The following APLP2 variants were observed in gnomAD, a reference collection of about 807,000 sequenced individuals.
The protein encoded by APLP2 is amyloid beta precursor like protein 2, also known as CDEI box-binding protein.
A neutral mutation model predicts 89.9 loss-of-function variants in APLP2; 53 were observed. The ratio of observed to expected loss-of-function variants is 0.59; its 90% CI spans 0.47 to 0.74. The LOEUF (loss-of-function observed/expected upper bound fraction) is 0.74, where lower values mean the gene tolerates loss of function less well. APLP2 is among the 30% of genes least tolerant of loss of function. The probability of loss-of-function intolerance (pLI) is 0.00; values close to 1 mark genes in which losing one functional copy is unlikely to be tolerated. For synonymous variants in APLP2, 372 were observed against 348.6 expected (o/e 1.07, Z -0.75); for missense variants, 973 against 975.9 (o/e 1.00, Z 0.04).
intron 1 of APLP2, among the ~76,000 whole-genome samples, chr11:130,102,771 C>T (rs543345552): frequency 3.5e-4 from 54 of 152,292 alleles, no homozygotes; most frequent in South Asian, 8.3e-4. Flanking sequence ...TTCAGGTTTT[C>T]GACCAAGTTA....
At chr11:130,074,204 G>T (rs1215067036) in intron 1 of APLP2, among the ~76,000 whole-genome samples, 1 of 152,066 alleles carries the variant, frequency 6.6e-6, no homozygotes, top group Non-Finnish European at 1.5e-5. Context: ...ATGTTTTGTT[G>T]TTGTTGTTGT....
chr11:130,113,790 A>G (rs1948861209), intron 3 of APLP2, among the ~76,000 whole-genome samples: 1 of 152,218 alleles, frequency 6.6e-6, no homozygotes, highest in Non-Finnish European at 1.5e-5. Flanking sequence ...TTTAAATTAA[A>G]AAATAATAGT....
intron 11 of APLP2, among the ~76,000 whole-genome samples, chr11:130,132,214 T>C (rs915717362): frequency 9.2e-5 from 14 of 152,210 alleles, no homozygotes; most frequent in African/African-American, 3.1e-4. Flanking sequence ...GCATTTTGGC[T>C]TCATTTGCAT....
intron 1 of APLP2, among the ~76,000 whole-genome samples, chr11:130,072,404 CAG>C: frequency 6.6e-6 from 1 of 151,774 alleles, no homozygotes; most frequent in East Asian, 1.9e-4. Context: ...GTGTTTCTGA[CAG>C]GTGGTATGGG....
chr11:130,090,369 T>C (rs1322536830), intron 1 of APLP2, among the ~76,000 whole-genome samples: 1 of 146,730 alleles, frequency 6.8e-6, no homozygotes, highest in African/African-American at 2.5e-5. Flanking sequence ...GATAAACAAG[T>C]GAACAAAGGT....
Position 130,141,687 on chromosome 11 carries a change from C to T in APLP2, c.1998+115C>T. On this transcript the variant is annotated intron_variant, in intron 15 of 16. Transcript: ENST00000338167. The surrounding 1 kb of genome is among the most constrained non-coding windows in gnomAD (Gnocchi z 4.2). Reference sequence around the variant, plus strand: ...GATGCCTGAGCTAATAAGGGTCCCTCATCCCCAGCTTTCCGTACTTTTGGA... The same window carrying T: ...GATGCCTGAGCTAATAAGGGTCCCTTATCCCCAGCTTTCCGTACTTTTGGA... The T allele has an allele frequency of 2.0e-6, 2 of 995,094 alleles. No homozygotes were observed. The allele number at this position is 995,094 out of a possible 1,614,324, so 61.6% of individuals were successfully genotyped here.
chr11:130,135,815 T>G, intron 13 of APLP2, 100 bp downstream of exon 13: 1 of 1,429,974 alleles, frequency 7.0e-7, no homozygotes, highest in Non-Finnish European at 9.6e-7. Context: ...TGGGAGATGG[T>G]GTTCCTGCGA....
chr11:130,129,218 C>T lies in APLP2; in HGVS notation c.1455+12C>T, dbSNP rs1286320153. 2 of 1,607,508 alleles carry T rather than the reference C, an allele frequency of 1.2e-6. No homozygotes were observed. Among genetic ancestry groups the T allele is most frequent in the East Asian group, 4.5e-5 (2 of 44,738 alleles). On this transcript the variant is annotated intron_variant, in intron 10 of 16. Transcript: ENST00000338167. ...CTGACCCGCCACGGGTGAGTCCTGCCCCTAGCACTGCCTGCCCTGAGGTGG... is the reference window on the plus strand; with the variant it reads ...CTGACCCGCCACGGGTGAGTCCTGCTCCTAGCACTGCCTGCCCTGAGGTGG...
Position 130,109,520 on chromosome 11 carries a change from A to T in APLP2, c.197A>T (p.Gln66Leu). The change falls in exon 2 of 17, where the codon CAG becomes CTG. Residue 66 changes from glutamine to leucine, a missense_variant. By Grantham distance (113) the Gln-to-Leu change is moderately radical. Transcript: ENST00000338167. ...AAGTTAAATATGCATGTGAACATTC[A>T]GACTGGGAAATGGGAACCTGATCCA... ...CGKLNMHVNI[Q>L]TGKWEPDPTG... The T allele has an allele frequency of 6.2e-7, 1 of 1,613,984 alleles. No individual in the cohort carries two copies. The highest frequency in any genetic ancestry group is 1.1e-5 in the South Asian group (1 of 91,060).
chr11:130,124,500 C>CA (rs1249504008), intron 7 of APLP2, among the ~76,000 whole-genome samples: 1 of 152,168 alleles, frequency 6.6e-6, no homozygotes, highest in Non-Finnish European at 1.5e-5. Flanking sequence ...CCCTTTTCTC[C>CA]ATGGCTACTC....
chr11:130,139,731 A>G (rs1014890907), intron 13 of APLP2: 1 of 152,206 alleles, frequency 6.6e-6, no homozygotes, highest in Non-Finnish European at 1.5e-5. Context: ...AATGCTTCCT[A>G]TAGGTGGAAT....
chr11:130,130,033 T>G lies in APLP2; in HGVS notation c.1456-5T>G. On this transcript the variant is annotated splice_polypyrimidine_tract_variant and splice_region_variant and intron_variant, in intron 10 of 16. Coordinates refer to ENST00000338167, the MANE Select transcript of APLP2 (RefSeq NM_001142276.2). Reference sequence around the variant, plus strand: ...GGATATTAAAACAACTGTTCTCTCTTGCAGCCTCATCGCATTCTCCAGGCC... The same window carrying G: ...GGATATTAAAACAACTGTTCTCTCTGGCAGCCTCATCGCATTCTCCAGGCC... 3 of 1,614,146 alleles carry G rather than the reference T, an allele frequency of 1.9e-6. No homozygotes were observed. Among genetic ancestry groups the G allele is most frequent in the Non-Finnish European group, 2.5e-6 (3 of 1,179,970 alleles).
intron 16 of APLP2, 24 bp from the exon 17 acceptor site, chr11:130,143,323 G>A: frequency 6.2e-7 from 1 of 1,606,768 alleles, no homozygotes; most frequent in South Asian, 1.1e-5. Flanking sequence ...ACACCACAAT[G>A]ACCCTCAGGT....
At position 130,141,745 on chromosome 11, in the gene APLP2, T is replaced by C. The variant is rs1037337927; in HGVS notation, c.1998+173T>C. ...GCTAAAATTAAAATCTCCATGGAGA[T>C]TGGGAAGAGTGGGCGTTCTCCACCT... On this transcript the variant is annotated intron_variant, in intron 15 of 16. Coordinates refer to ENST00000338167, the MANE Select transcript of APLP2 (RefSeq NM_001142276.2). This position sits in a 1 kb window ranked among gnomAD's most constrained non-coding sequence, Gnocchi z 4.2. 7 of 921,576 alleles carry C rather than the reference T, an allele frequency of 7.6e-6. No individual in the cohort carries two copies. The highest frequency in any genetic ancestry group is 2.6e-5 in the East Asian group (1 of 38,476). The allele number at this position is 921,576 out of a possible 1,614,324, so 57.1% of individuals were successfully genotyped here.
chr11:130,091,290 CGG>C (rs1945091525), intron 1 of APLP2, among the ~76,000 whole-genome samples: 1 of 134,858 alleles, frequency 7.4e-6, no homozygotes, highest in African/African-American at 3.1e-5. Flanking sequence ...ACCTCCCTCC[CGG>C]ACGGGGCGGC....
At position 130,129,126 on chromosome 11, in the gene APLP2, C is replaced by A. The variant is rs1393182925; in HGVS notation, c.1375C>A (p.Arg459=). 1 of 1,614,048 alleles carries A rather than the reference C, an allele frequency of 6.2e-7. No homozygotes were observed. Among genetic ancestry groups the A allele is most frequent in the Admixed American group, 1.7e-5 (1 of 60,004 alleles). Residue 459 remains arginine, a synonymous_variant, in exon 10 of 17, where the codon CGA becomes AGA. Coordinates refer to ENST00000338167, the MANE Select transcript of APLP2 (RefSeq NM_001142276.2). Reference sequence around the variant, plus strand: ...GCAGCTGGTGGAGACCCACCTGGCCCGAGTGGAAGCTATGCTGAATGACCG... The same window carrying A: ...GCAGCTGGTGGAGACCCACCTGGCCAGAGTGGAAGCTATGCTGAATGACCG... ...KQQLVETHLA[R]VEAMLNDRRR...
chr11:130,077,188 A>G (rs1338724724), intron 1 of APLP2, among the ~76,000 whole-genome samples: 2 of 152,222 alleles, frequency 1.3e-5, no homozygotes, highest in South Asian at 2.1e-4. Flanking sequence ...AGCTGGCAAA[A>G]TGGAGACATC....
intron 3 of APLP2, among the ~76,000 whole-genome samples, chr11:130,114,975 C>T (rs1177435941): frequency 6.6e-6 from 1 of 152,118 alleles, no homozygotes; most frequent in Non-Finnish European, 1.5e-5. Flanking sequence ...ACTGACAGTT[C>T]ACCCTGTTCC....
intron 7 of APLP2, among the ~76,000 whole-genome samples, chr11:130,124,179 G>T (rs1328951287): frequency 6.6e-6 from 1 of 152,190 alleles, no homozygotes. Flanking sequence ...TCCTGTCTTT[G>T]AACTGCCCTG....
Sources: gnomAD v4.1 joint callset for allele counts (sites outside exome capture counted in the v4.1 genomes callset) on GRCh38, gnomAD v4.1.1 for gene constraint, Gnocchi (gnomAD v3.1) non-coding constraint, MANE v1.5 for transcripts, NCBI Gene and HGNC (gene_info 2026-07-23, HGNC 2026-07-21) for gene names.